C4orf50: variants seen among roughly 807,000 people sequenced by gnomAD.
The protein encoded by C4orf50 is uncharacterized protein C4orf50.
A neutral mutation model predicts 77.2 loss-of-function variants in C4orf50; 80 were observed. That is an observed-to-expected ratio of 1.04 (90% CI 0.87 to 1.25). C4orf50 has a LOEUF of 1.25. Among genes scored for constraint, C4orf50 ranks in the 50% most tolerant of loss-of-function variants. The probability of loss-of-function intolerance (pLI) is 0.00; values close to 1 mark genes in which losing one functional copy is unlikely to be tolerated. For missense variants in C4orf50, 1,257 were observed against 1,152.9 expected, an observed-to-expected ratio of 1.09 and a Z score of -1.31; for synonymous variants, 532 against 465.3, an observed-to-expected ratio of 1.14 and a Z score of -1.84.
intron 33 of C4orf50, among the ~76,000 whole-genome samples, chr4:5,964,504 T>A (rs1206037279): frequency 2.2e-4 from 33 of 152,046 alleles, no homozygotes; most frequent in Admixed American, 2.0e-3. Flanking sequence ...GTATGGTGGC[T>A]CATGCCTGTA....
At chr4:5,917,406 C>CTTTTT (rs34928524) in intron 7 of C4orf50, among the ~76,000 whole-genome samples, 5 of 86,402 alleles carry the variant, frequency 5.8e-5, no homozygotes, top group Non-Finnish European at 4.8e-5. Context: ...TCCTGTATTT[C>CTTTTT]TTTTTTTTTT....
downstream of C4orf50, among the ~76,000 whole-genome samples, chr4:5,956,244 C>T (rs1172704776): frequency 6.6e-6 from 1 of 152,188 alleles, no homozygotes; most frequent in African/African-American, 2.4e-5. Context: ...CCTACCTGGG[C>T]TTTTGCTCAT....
intron 7 of C4orf50, among the ~76,000 whole-genome samples, chr4:5,921,829 C>T (rs1295974512): frequency 6.6e-6 from 1 of 152,040 alleles, no homozygotes; most frequent in Admixed American, 6.5e-5. Flanking sequence ...GTCTGACGGC[C>T]GGTGCTGGGA....
intron 7 of C4orf50, among the ~76,000 whole-genome samples, chr4:5,930,601 G>C (rs1163278662): frequency 6.6e-6 from 1 of 152,244 alleles, no homozygotes; most frequent in African/African-American, 2.4e-5. Context: ...GTGGGCGTGT[G>C]TGCAGCAGCT....
chr4:5,987,319 G>C (rs1165195979), intron 28 of C4orf50, among the ~76,000 whole-genome samples: 5 of 146,536 alleles, frequency 3.4e-5, no homozygotes, highest in Non-Finnish European at 7.4e-5. Flanking sequence ...GCTGAGGCAG[G>C]AGAACTGCTT....
chr4:5,996,399 T>C lies in C4orf50; in HGVS notation c.964-1923A>G, dbSNP rs567694198. Among the ~76,000 whole-genome samples the C allele has an allele frequency of 1.4e-4, 21 of 152,244 alleles. No individual in the cohort carries two copies. The South Asian group carries it at 3.9e-3, about 29-fold the overall frequency. On this transcript the variant is annotated intron_variant, in intron 25 of 33. Coordinates refer to ENST00000531445, the Ensembl canonical transcript of C4orf50. ...CTGCTTCTCACCCTTCGACGCTTCC[T>C]GTTACACTGAAAGAGAAACCCCCGC...
At chr4:5,988,196 G>C (rs941138167) in intron 28 of C4orf50, 151 bp downstream of exon 6, 5 of 1,036,282 alleles carry the variant, frequency 4.8e-6, no homozygotes, top group African/African-American at 1.6e-5. Flanking sequence ...GCATTTCTCT[G>C]TTTTCTTTGT....
At chr4:5,910,875 C>T (rs1716772885) in intron 7 of C4orf50, among the ~76,000 whole-genome samples, 1 of 149,340 alleles carries the variant, frequency 6.7e-6, no homozygotes, top group African/African-American at 2.5e-5. Flanking sequence ...ACAGATGTTT[C>T]ATCAGAGCCA....
chr4:5,910,810 G>T (rs766138057), intron 7 of C4orf50, among the ~76,000 whole-genome samples: 2 of 151,992 alleles, frequency 1.3e-5, no homozygotes, highest in South Asian at 2.1e-4. Flanking sequence ...TCAGTGGAGT[G>T]GGGGGGATAC....
At chr4:5,941,705 C>T (rs1324958919) in intron 7 of C4orf50, among the ~76,000 whole-genome samples, 1 of 152,158 alleles carries the variant, frequency 6.6e-6, no homozygotes, top group Admixed American at 6.5e-5. Context: ...AACACATTCT[C>T]TCCTATTTTC....
chr4:5,931,949 C>G (rs1000735039), intron 7 of C4orf50, among the ~76,000 whole-genome samples: 2 of 152,128 alleles, frequency 1.3e-5, no homozygotes, highest in African/African-American at 4.8e-5. Context: ...ATTGTGCAAG[C>G]CACGCAGAAG....
intron 28 of C4orf50, among the ~76,000 whole-genome samples, chr4:5,983,690 G>A (rs1213934584): frequency 6.6e-6 from 1 of 152,176 alleles, no homozygotes; most frequent in Non-Finnish European, 1.5e-5. Flanking sequence ...TTTTCCCTGG[G>A]TTTCTCTCTG....
chr4:5,988,631 G>A (rs1318192485), exon 28 of C4orf50: 2 of 1,536,036 alleles, frequency 1.3e-6, no homozygotes, highest in East Asian at 2.4e-5. Flanking sequence ...TGTCCTGTGA[G>A]TGGAGTCACC....
chr4:5,928,434 C>A (rs1350769238), intron 7 of C4orf50, among the ~76,000 whole-genome samples: 1 of 152,032 alleles, frequency 6.6e-6, no homozygotes, highest in Non-Finnish European at 1.5e-5. Flanking sequence ...AGCTGGGTTC[C>A]AGGTCACCAA....
intron 25 of C4orf50, among the ~76,000 whole-genome samples, chr4:6,004,411 T>A (rs1230549678): frequency 6.2e-4 from 8 of 12,850 alleles, no homozygotes; most frequent in Non-Finnish European, 7.8e-4. Context: ...GATGGAGATG[T>A]TGGTGATGAT....
chr4:5,963,772 G>A (rs1437444257), intron 33 of C4orf50, among the ~76,000 whole-genome samples: 1 of 152,164 alleles, frequency 6.6e-6, no homozygotes, highest in East Asian at 1.9e-4. Flanking sequence ...CTGCCTGCCT[G>A]ATTTCTCCTC....
intron 7 of C4orf50, among the ~76,000 whole-genome samples, chr4:5,936,562 C>CAAAAAAAA (rs374200584): frequency 7.3e-4 from 55 of 75,302 alleles, no homozygotes; most frequent in East Asian, 1.5e-3. Context: ...GACGCCATCT[C>CAAAAAAAA]AAAAAAAAAA....
At chr4:5,953,002 G>A (rs754812977), downstream of C4orf50, among the ~76,000 whole-genome samples, 5 of 152,182 alleles carry the variant, frequency 3.3e-5, no homozygotes, top group Non-Finnish European at 7.3e-5. Flanking sequence ...CCTCTGTGAT[G>A]AGCACTATTT....
chr4:5,929,446 A>AACACT (rs1717662909), intron 7 of C4orf50, among the ~76,000 whole-genome samples: 1 of 151,806 alleles, frequency 6.6e-6, no homozygotes, highest in African/African-American at 2.4e-5. Context: ...CTTTAGGAAT[A>AACACT]ACATTTCCTT....
Sources: gnomAD v4.1 joint callset for allele counts (sites outside exome capture counted in the v4.1 genomes callset) on GRCh38, gnomAD v4.1.1 for gene constraint, MANE v1.5 for transcripts, NCBI Gene and HGNC (gene_info 2026-07-23, HGNC 2026-07-21) for gene names.